Variants in ATRX observed in about 807,000 individuals in gnomAD.
ATRX encodes the protein ATRX chromatin remodeler.
ATRX carries 12 observed loss-of-function variants against 172.6 expected under a neutral mutation model. The observed-to-expected ratio is 0.07, with a 90% CI of 0.04 to 0.11. The LOEUF (loss-of-function observed/expected upper bound fraction) is 0.11, where lower values mean the gene tolerates loss of function less well. ATRX is among the 10% of genes least tolerant of loss of function. The pLI is 1.00. For synonymous variants in ATRX, 674 were observed against 594.7 expected (o/e 1.13, Z -1.94); for missense variants, 1,368 against 1,767.4 (o/e 0.77, Z 4.05).
At chrX:77,548,018 C>G (rs1289665750) in intron 30 of ATRX, among the ~76,000 whole-genome samples, 1 of 111,873 alleles carries the variant, frequency 8.9e-6, no homozygotes. Flanking sequence ...TGAACACTTA[C>G]TATGTGCTAG....
At chrX:77,534,770 A>G (rs2063694228) in intron 30 of ATRX, among the ~76,000 whole-genome samples, 1 of 112,142 alleles carries the variant, frequency 8.9e-6, no homozygotes, top group Non-Finnish European at 1.9e-5. Flanking sequence ...ATGATAAATT[A>G]TAAGTTTAAG....
intron 2 of ATRX, among the ~76,000 whole-genome samples, chrX:77,715,243 T>G (rs1354033468): frequency 1.8e-5 from 2 of 111,762 alleles, no homozygotes; most frequent in Non-Finnish European, 3.8e-5. Flanking sequence ...AAGATTATAA[T>G]ACTGTATTTT....
intron 10 of ATRX, among the ~76,000 whole-genome samples, chrX:77,671,167 A>AAAATATATATATATATAT (rs1424480831): frequency 6.4e-5 from 1 of 15,733 alleles, no homozygotes; most frequent in Non-Finnish European, 1.2e-4. Flanking sequence ...AAAAAAAAAA[A>AAAATATATATATATATAT]ATATATATAT....
chrX:77,594,197 C>T (rs1263613103), intron 25 of ATRX: 3 of 148,139 alleles, frequency 2.0e-5, no homozygotes, highest in African/African-American at 9.5e-5. Flanking sequence ...AAACCATCCC[C>T]TTCCCACCAG....
intron 1 of ATRX, among the ~76,000 whole-genome samples, chrX:77,738,753 G>A (rs1557180382): frequency 9.2e-6 from 1 of 108,398 alleles, no homozygotes; most frequent in Non-Finnish European, 1.9e-5. Flanking sequence ...CAGTAGAGAC[G>A]GGTTTCACCA....
chrX:77,505,251 G>A lies in ATRX; in HGVS notation c.*3100C>T. On this transcript the variant is annotated 3_prime_UTR_variant, in exon 35 of 35. Coordinates refer to ENST00000373344, the MANE Select transcript of ATRX (RefSeq NM_000489.6). ...AACTGCTCTTAAAGTTTTGTTTGGG[G>A]CACATAAATATCGATCTGATTTTAT... 1 of 174,444 alleles carries A rather than the reference G, an allele frequency of 5.7e-6. No individual in the cohort carries two copies. Among genetic ancestry groups the A allele is most frequent in the East Asian group, 8.1e-5 (1 of 12,295 alleles). The allele number at this position is 174,444 out of a possible 1,213,427, so 14.4% of individuals were successfully genotyped here.
rs2070631307 is a variant in ATRX, at chrX:77,671,766, CTTTTTCTT to C, written c.3809+4452_3809+4459del. 4.5e-5 allele frequency among the ~76,000 whole-genome samples: 5 copies of C among 110,987 alleles called. No homozygotes were observed. In the South Asian group the frequency reaches 1.9e-3, roughly 42 times the overall value. ...AGAAATCCAAACTCTTCCTTTTTCTCTTTTTCTTTTTTTTCTTTTTTGAGGAAGACCTA... is the reference window on the plus strand; with the variant it reads ...AGAAATCCAAACTCTTCCTTTTTCTCTTTTTTCTTTTTTGAGGAAGACCTA... On this transcript the variant is annotated intron_variant, in intron 10 of 34. Transcript: ENST00000373344.
chrX:77,698,483 C>T (rs1461084233), intron 3 of ATRX, 91 bp downstream of exon 3: 11 of 787,733 alleles, frequency 1.4e-5, no homozygotes, highest in African/African-American at 6.2e-5. Context: ...CAGTAGCCTT[C>T]GACACATACA....
intron 19 of ATRX, among the ~76,000 whole-genome samples, chrX:77,626,724 A>G (rs1490748583): frequency 1.8e-5 from 2 of 112,148 alleles, no homozygotes; most frequent in African/African-American, 6.5e-5. Flanking sequence ...AAATTCCTAT[A>G]CGGATATAAA....
At chrX:77,624,239 T>C (rs782258247) in intron 19 of ATRX, among the ~76,000 whole-genome samples, 50 of 110,863 alleles carry the variant, frequency 4.5e-4, no homozygotes, top group South Asian at 2.3e-3. Context: ...TGGTGGCCGG[T>C]GCCTGTAGTC....
At chrX:77,537,704 T>C (rs1557048919) in intron 30 of ATRX, among the ~76,000 whole-genome samples, 1 of 110,918 alleles carries the variant, frequency 9.0e-6, no homozygotes, top group African/African-American at 3.3e-5. Context: ...AGAGGTGTTT[T>C]ACACCCTAAC....
chrX:77,540,883 ACT>A (rs2063954520), intron 30 of ATRX, among the ~76,000 whole-genome samples: 3 of 111,721 alleles, frequency 2.7e-5, no homozygotes. Context: ...TAAAATCAAC[ACT>A]CTAACATCAC....
intron 2 of ATRX, 42 bp downstream of exon 2, chrX:77,717,089 G>GA (rs1557165656): frequency 1.9e-6 from 2 of 1,066,216 alleles, no homozygotes; most frequent in Admixed American, 4.8e-5. Flanking sequence ...AAAAAAAATA[G>GA]AAAAAAGACT....
At chrX:77,667,032 TAATA>T (rs1209544428) in intron 10 of ATRX, among the ~76,000 whole-genome samples, 2 of 110,884 alleles carry the variant, frequency 1.8e-5, no homozygotes, top group Middle Eastern at 4.6e-3. Context: ...AAATATTTAT[TAATA>T]TTCAGTGAAA....
At chrX:77,585,583 CAAAAAAAAAAAAAAAAAAAA>C (rs781792876) in intron 27 of ATRX, among the ~76,000 whole-genome samples, 33 of 8,553 alleles carry the variant, frequency 3.9e-3, no homozygotes, top group South Asian at 8.7e-3. Flanking sequence ...CTCCCCCCAC[CAAAAAAAAAAAAAAAAAAAA>C]AAAAAAAAAA....
chrX:77,705,366 G>A (rs2072759460), intron 2 of ATRX, among the ~76,000 whole-genome samples: 1 of 111,745 alleles, frequency 8.9e-6, no homozygotes, highest in African/African-American at 3.3e-5. Context: ...CAACTTGGAA[G>A]GGGCAGGGCT....
At chrX:77,515,154 G>A (rs1176520467) in intron 34 of ATRX, among the ~76,000 whole-genome samples, 1 of 111,687 alleles carries the variant, frequency 9.0e-6, no homozygotes, top group Non-Finnish European at 1.9e-5. Context: ...GCTGGTGGGA[G>A]TGTAAATTAG....
chrX:77,656,008 G>T (rs1275037112), intron 13 of ATRX, among the ~76,000 whole-genome samples: 1 of 111,295 alleles, frequency 9.0e-6, no homozygotes, highest in East Asian at 2.8e-4. Context: ...AGGTAATCTA[G>T]ATCAGTGACT....
Position 77,549,031 on chromosome X carries a change from C to T in ATRX, c.6699+8420G>A, listed in dbSNP as rs1450268319. Among the ~76,000 whole-genome samples, 4 of 111,900 alleles carry T rather than the reference C, an allele frequency of 3.6e-5. No homozygotes were observed. The Admixed American group carries it at 3.8e-4, about 11-fold the overall frequency. On this transcript the variant is annotated intron_variant, in intron 30 of 34. Coordinates refer to ENST00000373344, the MANE Select transcript of ATRX (RefSeq NM_000489.6). ...GCTTTTGTTTTCTTAATAAAAGGTACAGAGTAGGCTGTGTATACTGTACTT... is the reference window on the plus strand; with the variant it reads ...GCTTTTGTTTTCTTAATAAAAGGTATAGAGTAGGCTGTGTATACTGTACTT...
Sources: allele counts gnomAD v4.1 joint callset (sites outside exome capture counted in the v4.1 genomes callset), GRCh38; gene constraint gnomAD v4.1.1; transcripts MANE v1.5; gene names NCBI Gene and HGNC (gene_info 2026-07-23, HGNC 2026-07-21).